Variants in LRRC27 observed in about 807,000 individuals in gnomAD.
The protein encoded by LRRC27 is leucine-rich repeat-containing protein 27.
In LRRC27, 57 loss-of-function variants were observed where a neutral mutation model predicts 55.0. The observed-to-expected ratio is 1.04, with a 90% confidence interval of 0.84 to 1.29. The LOEUF is 1.29. Ranked by LOEUF, LRRC27 falls within the 50% of genes most tolerant of loss-of-function variation. The pLI is 0.00. For missense variants in LRRC27, 721 were observed against 651.5 expected (o/e 1.11, Z -1.16); for synonymous variants, 278 against 251.9 (o/e 1.10, Z -0.98).
intron 4 of LRRC27, among the ~76,000 whole-genome samples, chr10:132,344,219 A>G (rs557664137): frequency 6.6e-6 from 1 of 152,258 alleles, no homozygotes; most frequent in East Asian, 1.9e-4. Flanking sequence ...GCGACTTTGT[A>G]TTCTGAATTT....
At chr10:132,366,783 C>G in intron 10 of LRRC27, 1 of 1,152,346 alleles carries the variant, frequency 8.7e-7, no homozygotes, top group Non-Finnish European at 1.1e-6. Context: ...CCTGGCCTTC[C>G]TGTCCCCACA....
chr10:132,335,426 G>A (rs2067070068), intron 2 of LRRC27, among the ~76,000 whole-genome samples: 1 of 151,752 alleles, frequency 6.6e-6, no homozygotes, highest in African/African-American at 2.4e-5. Context: ...GTTGGGTAGG[G>A]GCTGTAGGGC....
intron 9 of LRRC27, among the ~76,000 whole-genome samples, chr10:132,362,662 C>T (rs1234974342): frequency 1.5e-5 from 2 of 131,780 alleles, no homozygotes; most frequent in African/African-American, 6.0e-5. Flanking sequence ...TCACCCTTCT[C>T]ACCTCACACC....
Position 132,375,451 on chromosome 10 carries a change from A to G in LRRC27, c.*209A>G. The stretch of plus-strand genomic sequence containing the variant: ...TTTCAGCCGTATTAAAAGAAAGGAC[A>G]CTGTGAGCACGTGGTCTCGCCTTCC... On this transcript the variant is annotated 3_prime_UTR_variant, in exon 11 of 11. Coordinates refer to ENST00000368614, the MANE Select transcript of LRRC27 (RefSeq NM_030626.3). The G allele has an allele frequency of 6.1e-6, 3 of 492,708 alleles. No homozygotes were observed. Among genetic ancestry groups the G allele is most frequent in the Admixed American group, 7.5e-5 (2 of 26,684 alleles). The allele number at this position is 492,708 out of a possible 1,614,324, so 30.5% of individuals were successfully genotyped here. A position where few individuals can be genotyped will look rare whatever the true frequency, so the allele number is the denominator to read the frequency against.
In LRRC27 at chr10:132,379,904, G is replaced by C. The variant is rs2069389387; in HGVS notation, c.*4662G>C. 1.3e-5 allele frequency: 2 copies of C among 152,304 alleles called. No individual in the cohort carries two copies. The highest frequency in any genetic ancestry group is 4.1e-4 in the South Asian group (2 of 4,838). The allele number at this position is 152,304 out of a possible 1,614,324, so 9.4% of individuals were successfully genotyped here. ...AAAAACTTTGCAGATGAGCCACATAGCCTAGAAATATCTGAAAAAAGAAAA... is the reference window on the plus strand; with the variant it reads ...AAAAACTTTGCAGATGAGCCACATACCCTAGAAATATCTGAAAAAAGAAAA... On this transcript the variant is annotated 3_prime_UTR_variant, in exon 11 of 11. Transcript: ENST00000368614.
upstream of LRRC27, chr10:132,330,486 C>T (rs751819676): frequency 1.7e-5 from 12 of 717,048 alleles, 1 homozygote; most frequent in South Asian, 1.8e-4. Context: ...TTTCAGCTTC[C>T]TGATTGGTAG....
chr10:132,349,096 G>A, intron 6 of LRRC27: 1 of 1,381,296 alleles, frequency 7.2e-7, no homozygotes. Flanking sequence ...CCTGCATGTG[G>A]TGTGTGTGCC....
intron 9 of LRRC27, among the ~76,000 whole-genome samples, chr10:132,362,496 C>T (rs554826150): frequency 2.0e-5 from 3 of 152,206 alleles, no homozygotes; most frequent in South Asian, 4.1e-4. Context: ...AGAGTCGGGG[C>T]GCAAGGCAAG....
At chr10:132,361,652 A>C in intron 9 of LRRC27, 77 bp downstream of exon 9, 1 of 1,074,576 alleles carries the variant, frequency 9.3e-7, no homozygotes, top group Admixed American at 1.7e-5. Flanking sequence ...TGTTTATTTC[A>C]TGAGCATGCA....
intron 10 of LRRC27, among the ~76,000 whole-genome samples, chr10:132,373,956 A>T (rs1459348937): frequency 2.0e-5 from 3 of 152,206 alleles, no homozygotes; most frequent in African/African-American, 7.2e-5. Flanking sequence ...GTTATCAATG[A>T]CTACTTACTG....
At chr10:132,356,992 G>C (rs1459857105) in intron 8 of LRRC27, among the ~76,000 whole-genome samples, 1 of 152,284 alleles carries the variant, frequency 6.6e-6, no homozygotes, top group Non-Finnish European at 1.5e-5. Context: ...ACAGCAGAGA[G>C]CGTGGCCACG....
At chr10:132,360,483 C>G (rs1013023920) in intron 8 of LRRC27, among the ~76,000 whole-genome samples, 1 of 152,196 alleles carries the variant, frequency 6.6e-6, no homozygotes, top group African/African-American at 2.4e-5. Flanking sequence ...CTCAGTCAGC[C>G]AAGAGTTTCC....
intron 1 of LRRC27, among the ~76,000 whole-genome samples, chr10:132,333,203 C>T (rs1330597023): frequency 6.6e-6 from 1 of 152,170 alleles, no homozygotes; most frequent in African/African-American, 2.4e-5. Context: ...TGTTTACATC[C>T]CTAAAATGAT....
rs550740630 is a variant in LRRC27 at position 132,341,264 on chromosome 10, C to T, written c.342-949C>T. ...ACACACCGTTAGTCTCAGCTACCTG[C>T]GGGGACTGAGGCGGGAGGATTGCTT... On this transcript the variant is annotated intron_variant, in intron 3 of 10. Transcript: ENST00000368614. Among the ~76,000 whole-genome samples, 105 of 139,990 alleles carry T rather than the reference C, an allele frequency of 7.5e-4. 1 individual carries two copies. Among genetic ancestry groups the T allele is most frequent in the Admixed American group, 2.8e-3 (40 of 14,070 alleles). The allele number at this position is 139,990 out of a possible 152,430, so 91.8% of individuals were successfully genotyped here. A position where few individuals can be genotyped will look rare whatever the true frequency, so the allele number is the denominator to read the frequency against.
At chr10:132,355,087 T>C (rs1564842905) in intron 7 of LRRC27, among the ~76,000 whole-genome samples, 1 of 152,300 alleles carries the variant, frequency 6.6e-6, no homozygotes, top group East Asian at 1.9e-4. Context: ...TTGTTTTGTT[T>C]TGTTTTTTGA....
chr10:132,351,992 G>A (rs958053545), intron 7 of LRRC27, among the ~76,000 whole-genome samples: 3 of 151,250 alleles, frequency 2.0e-5, no homozygotes, highest in Middle Eastern at 3.4e-3. Flanking sequence ...TGGGGCAGGC[G>A]CAGGTGCAGC....
intron 2 of LRRC27, among the ~76,000 whole-genome samples, 158 bp downstream of exon 2, chr10:132,333,892 A>G (rs932107554): frequency 1.3e-5 from 2 of 152,252 alleles, no homozygotes; most frequent in African/African-American, 4.8e-5. Context: ...TCATACGCCA[A>G]TCACAACAAA....
chr10:132,342,542 G>A (rs370489813), intron 4 of LRRC27, among the ~76,000 whole-genome samples: 5 of 152,188 alleles, frequency 3.3e-5, no homozygotes, highest in East Asian at 1.9e-4. Flanking sequence ...TGAAGGCCCC[G>A]CACACACCTC....
chr10:132,348,957 A>G lies in LRRC27; in HGVS notation c.926+601A>G, dbSNP rs1359576339. 1 of 1,595,678 alleles carries G rather than the reference A, an allele frequency of 6.3e-7. No individual in the cohort carries two copies. Among genetic ancestry groups the G allele is most frequent in the Non-Finnish European group, 8.5e-7 (1 of 1,169,620 alleles). ...GGCCGAGATTTTATTTTCCTTTCACACCCAGGACAAGGGTCCCTAGGAAAC... is the reference window on the plus strand; with the variant it reads ...GGCCGAGATTTTATTTTCCTTTCACGCCCAGGACAAGGGTCCCTAGGAAAC... On this transcript the variant is annotated intron_variant, in intron 6 of 10. Coordinates refer to ENST00000368614, the MANE Select transcript of LRRC27 (RefSeq NM_030626.3). The surrounding 1 kb of genome is among the most constrained non-coding windows in gnomAD (Gnocchi z 4.2).
Sources: gnomAD v4.1 joint callset for allele counts (sites outside exome capture counted in the v4.1 genomes callset) on GRCh38, gnomAD v4.1.1 for gene constraint, Gnocchi (gnomAD v3.1) non-coding constraint, MANE v1.5 for transcripts, NCBI Gene and HGNC (gene_info 2026-07-23, HGNC 2026-07-21) for gene names.